NT5M: variants seen among roughly 807,000 people sequenced by gnomAD.
NT5M encodes 5'(3')-deoxyribonucleotidase, mitochondrial.
NT5M carries 22 observed loss-of-function variants against 22.2 expected under a neutral mutation model. That is an observed-to-expected ratio of 0.99 (90% CI 0.71 to 1.41). The LOEUF is 1.41. Ranked by LOEUF, NT5M falls within the 40% of genes most tolerant of loss-of-function variation. The pLI, the probability that NT5M is intolerant of heterozygous loss-of-function variation, is 0.00. For synonymous variants in NT5M, 167 were observed against 133.0 expected, an observed-to-expected ratio of 1.26 and a Z score of -1.76; for missense variants, 322 against 314.8, an observed-to-expected ratio of 1.02 and a Z score of -0.17.
chr17:17,340,216 A>G (rs1485729323), intron 3 of NT5M, among the ~76,000 whole-genome samples: 1 of 152,166 alleles, frequency 6.6e-6, no homozygotes, highest in Non-Finnish European at 1.5e-5. Context: ...GGTAGATTGC[A>G]TGTATCTAGG....
Position 17,303,529 on chromosome 17 carries a change from C to T in NT5M, c.-22C>T. 9.6e-7 allele frequency: 1 copy of T among 1,039,760 alleles called. No individual in the cohort carries two copies. Among genetic ancestry groups the T allele is most frequent in the Non-Finnish European group, 1.2e-6 (1 of 866,594 alleles). 64.4% of individuals were successfully genotyped at this position (1,039,760 alleles called of 1,614,324 possible). A position where few individuals can be genotyped will look rare whatever the true frequency, so the allele number is the denominator to read the frequency against. ...GGCGCGGCCCAGGTCCCCGCGCCCACGACGGGCCAGCGCGCTGGGCCATGA... is the reference window on the plus strand; with the variant it reads ...GGCGCGGCCCAGGTCCCCGCGCCCATGACGGGCCAGCGCGCTGGGCCATGA... On this transcript the variant is annotated 5_prime_UTR_variant, in exon 1 of 5. It adds an upstream start codon to the 5' untranslated region. Coordinates refer to ENST00000389022, the MANE Select transcript of NT5M (RefSeq NM_020201.4).
chr17:17,310,081 C>T (rs535431560), intron 2 of NT5M, among the ~76,000 whole-genome samples: 2 of 152,230 alleles, frequency 1.3e-5, no homozygotes, highest in African/African-American at 4.8e-5. Flanking sequence ...TCCTCAGCCT[C>T]CCAAAGTGCT....
Position 17,303,621 on chromosome 17 carries a change from C to CGGCG in NT5M, c.79_82dup (p.Leu28ArgfsTer22). The CGGCG allele has an allele frequency of 3.8e-6, 5 of 1,299,410 alleles. No individual in the cohort carries two copies. The highest frequency in any genetic ancestry group is 2.4e-4 in the Middle Eastern group (1 of 4,160). 80.5% of individuals were successfully genotyped at this position (1,299,410 alleles called of 1,614,324 possible). A position where few individuals can be genotyped will look rare whatever the true frequency, so the allele number is the denominator to read the frequency against. The stretch of plus-strand genomic sequence containing the variant: ...GCGGTTCCCGCGGGGCGGCGCGGGG[C>CGGCG]GGCGGGCGGGCTGGGCCTGGCGGGA... On this transcript the variant is annotated frameshift_variant, in exon 1 of 5. Coordinates refer to ENST00000389022, the MANE Select transcript of NT5M (RefSeq NM_020201.4). LOFTEE classifies it high-confidence loss of function.
intron 1 of NT5M, among the ~76,000 whole-genome samples, chr17:17,305,327 C>T (rs1463108983): frequency 6.7e-6 from 1 of 149,322 alleles, no homozygotes; most frequent in African/African-American, 2.5e-5. Context: ...TCCTGAGGCA[C>T]GGCTTGCTGC....
chr17:17,342,825 G>A (rs1386351301), intron 3 of NT5M, among the ~76,000 whole-genome samples: 1 of 152,222 alleles, frequency 6.6e-6, no homozygotes, highest in Admixed American at 6.5e-5. Flanking sequence ...CCTGGCTATC[G>A]TTGTCTGTGG....
chr17:17,320,778 G>A (rs1282029826), intron 2 of NT5M, among the ~76,000 whole-genome samples: 1 of 152,178 alleles, frequency 6.6e-6, no homozygotes, highest in African/African-American at 2.4e-5. Flanking sequence ...AGTCTGGGCT[G>A]GGTGGCTGGC....
intron 4 of NT5M, 94 bp downstream of exon 4, chr17:17,345,002 CACTT>C: frequency 6.5e-7 from 1 of 1,535,190 alleles, no homozygotes; most frequent in Non-Finnish European, 8.8e-7. Context: ...CTTCCTGCCC[CACTT>C]AGTCACCAGC....
intron 2 of NT5M, among the ~76,000 whole-genome samples, chr17:17,316,755 G>T (rs528887260): frequency 7.1e-4 from 104 of 146,886 alleles, no homozygotes; most frequent in African/African-American, 2.4e-3. Context: ...TCGCTCTGTT[G>T]CCCAGGCTGG....
chr17:17,323,314 C>T, intron 3 of NT5M, 69 bp downstream of exon 3: 1 of 1,335,936 alleles, frequency 7.5e-7, no homozygotes, highest in Non-Finnish European at 1.1e-6. Context: ...GGGGCTCAGC[C>T]TGCCTGTGGA....
At position 17,303,391 on chromosome 17, in the gene NT5M, G is replaced by A. The variant is rs1467434119; in HGVS notation, c.-160G>A. 1 of 885,576 alleles carries A rather than the reference G, an allele frequency of 1.1e-6. No individual in the cohort carries two copies. 54.9% of individuals were successfully genotyped at this position (885,576 alleles called of 1,614,324 possible). On this transcript the variant is annotated 5_prime_UTR_variant, in exon 1 of 5. Transcript: ENST00000389022. ...CGGCCTCGCTCTGGGGCCGGTACTT[G>A]CGCGCCCGCACCCCGCGCTCCCCGC...
chr17:17,330,249 G>A (rs1356741858), intron 3 of NT5M, among the ~76,000 whole-genome samples: 4 of 147,040 alleles, frequency 2.7e-5, no homozygotes, highest in African/African-American at 7.6e-5. Context: ...GCAGTGAGCC[G>A]AGATGGTGCC....
In NT5M at chr17:17,346,903, GC is replaced by G; in HGVS notation, c.644del (p.Ala215GlyfsTer27). The G allele has an allele frequency of 6.2e-7, 1 of 1,611,234 alleles. No homozygotes were observed. The highest frequency in any genetic ancestry group is 8.5e-7 in the Non-Finnish European group (1 of 1,179,948). On this transcript the variant is annotated frameshift_variant, in exon 5 of 5. Transcript: ENST00000389022. LOFTEE classifies it high-confidence loss of function. ...CCCCCGCCGCAGGCTGCACTCGTGG[GC>G]GGACGACTGGAAGGCCATTCTGGAC... ...QPPRRRLHSW[A>X]DDWKAILDSK...
intron 2 of NT5M, among the ~76,000 whole-genome samples, chr17:17,319,090 A>T (rs961982860): frequency 6.6e-6 from 1 of 151,730 alleles, no homozygotes; most frequent in East Asian, 2.0e-4. Context: ...GGGTGCCTGT[A>T]ATCCCAGCTG....
At chr17:17,329,506 T>C (rs181252692) in intron 3 of NT5M, among the ~76,000 whole-genome samples, 3 of 152,196 alleles carry the variant, frequency 2.0e-5, no homozygotes, top group Non-Finnish European at 4.4e-5. Context: ...AGGTTCTTCA[T>C]GCACAGGCAT....
Position 17,338,726 on chromosome 17 carries a change from A to ATT in NT5M, c.430-6051_430-6050dup, listed in dbSNP as rs34156759. 3.4e-3 allele frequency among the ~76,000 whole-genome samples: 141 copies of ATT among 41,352 alleles called. 2 individuals are homozygous for ATT. The highest frequency in any genetic ancestry group is 0.018 in the South Asian group (19 of 1,080). 27.1% of individuals were successfully genotyped at this position (41,352 alleles called of 152,430 possible). ...TATTTCTGTGAAGAATGTCATTGGT[A>ATT]TTTTTTTTTTTTTTTTTTGAGATGG... On this transcript the variant is annotated intron_variant, in intron 3 of 4. Transcript: ENST00000389022.
Position 17,332,084 on chromosome 17 carries a change from GTAT to G in NT5M, c.429+8844_429+8846del, listed in dbSNP as rs10574223. On this transcript the variant is annotated intron_variant, in intron 3 of 4. Transcript: ENST00000389022. ...TGTGAGCCACCGCATCCGGCCTATG[GTAT>G]TATTTTTCTAGCAGTGTCATTCACC... Among the ~76,000 whole-genome samples the G allele has an allele frequency of 8.0e-3, 1,210 of 152,132 alleles. 20 individuals carry two copies. Among genetic ancestry groups the G allele is most frequent in the African/African-American group, 0.027 (1,119 of 41,496 alleles).
chr17:17,331,751 C>A (rs1228417862), intron 3 of NT5M, among the ~76,000 whole-genome samples: 2 of 151,408 alleles, frequency 1.3e-5, no homozygotes, highest in Non-Finnish European at 2.9e-5. Flanking sequence ...ATTTTGAAAA[C>A]CTCCAGTTTT....
At chr17:17,338,232 G>T (rs954188763) in intron 3 of NT5M, among the ~76,000 whole-genome samples, 1 of 149,848 alleles carries the variant, frequency 6.7e-6, no homozygotes, top group African/African-American at 2.5e-5. Context: ...TTACTCTGTC[G>T]CCCAGGCGGG....
chr17:17,334,588 G>T (rs908812607), intron 3 of NT5M, among the ~76,000 whole-genome samples: 4 of 149,220 alleles, frequency 2.7e-5, no homozygotes, highest in Non-Finnish European at 5.9e-5. Context: ...TGATTCTCGT[G>T]CCTCAGCCTC....
Sources: allele counts gnomAD v4.1 joint callset (sites outside exome capture counted in the v4.1 genomes callset), GRCh38; gene constraint gnomAD v4.1.1; transcripts MANE v1.5; gene names NCBI Gene and HGNC (gene_info 2026-07-23, HGNC 2026-07-21).